The following ZSWIM4 variants were observed in gnomAD, a reference collection of about 807,000 sequenced individuals.
The protein encoded by ZSWIM4 is zinc finger SWIM domain-containing protein 4.
In ZSWIM4, 62 loss-of-function variants were observed where a neutral mutation model predicts 102.5. That is an observed-to-expected ratio of 0.60 (90% CI 0.49 to 0.75). ZSWIM4 has a LOEUF of 0.75. ZSWIM4 is among the 30% of genes least tolerant of loss of function. ZSWIM4 has a pLI of 0.00. For missense variants in ZSWIM4, 1,280 were observed against 1,529.6 expected, an observed-to-expected ratio of 0.84 and a Z score of 2.72; for synonymous variants, 652 against 674.5, an observed-to-expected ratio of 0.97 and a Z score of 0.52.
chr19:13,829,223 G>A (rs556261517), intron 13 of ZSWIM4, among the ~76,000 whole-genome samples: 1 of 152,184 alleles, frequency 6.6e-6, no homozygotes, highest in Non-Finnish European at 1.5e-5. Flanking sequence ...TGAGGTTGCA[G>A]TGAGCTGTGA....
chr19:13,822,380 T>A (rs1975491460), intron 10 of ZSWIM4, among the ~76,000 whole-genome samples: 1 of 152,212 alleles, frequency 6.6e-6, no homozygotes, highest in African/African-American at 2.4e-5. Flanking sequence ...GTTTTTACAT[T>A]TATAAACGGT....
chr19:13,795,902 A>C, intron 1 of ZSWIM4, 101 bp downstream of exon 1: 2 of 734,872 alleles, frequency 2.7e-6, no homozygotes, highest in Non-Finnish European at 3.6e-6. Flanking sequence ...AGCTAACCCA[A>C]TCAGAGACAC....
In ZSWIM4 at chr19:13,823,436, C is replaced by T; in HGVS notation, c.2151C>T (p.Phe717=). The T allele has an allele frequency of 6.3e-7, 1 of 1,596,464 alleles. No individual in the cohort carries two copies. The highest frequency in any genetic ancestry group is 1.3e-5 in the African/African-American group (1 of 74,558). The change falls in exon 11 of 14, where the codon TTC becomes TTT. Residue 717 remains phenylalanine (F), a synonymous_variant. Coordinates refer to ENST00000590508, the MANE Select transcript of ZSWIM4 (RefSeq NM_001367834.3). ...SIMSNRFPRW[F]ILGHLETRQC... is the part of the protein sequence containing the mutation. ...TGAGCAACCGCTTCCCCCGCTGGTT[C>T]ATCCTTGGCCACCTGGAGACCCGCC... is the stretch of plus-strand genomic sequence containing the variant.
intron 11 of ZSWIM4, among the ~76,000 whole-genome samples, chr19:13,824,100 G>T (rs1296963317): frequency 6.6e-6 from 1 of 151,196 alleles, no homozygotes; most frequent in Non-Finnish European, 1.5e-5. Context: ...ATAGTAGGGG[G>T]GGATAGAGAG....
intron 3 of ZSWIM4, among the ~76,000 whole-genome samples, chr19:13,808,455 G>A (rs1421105842): frequency 1.3e-5 from 2 of 151,984 alleles, no homozygotes; most frequent in Non-Finnish European, 2.9e-5. Flanking sequence ...GGATGGATGG[G>A]TCGGGCACAG....
rs965170164 is a variant in ZSWIM4 at position 13,804,982 on chromosome 19, G to C, written c.546G>C (p.Val182=). Residue 182 remains valine, a synonymous_variant, in exon 3 of 14, where the codon GTG becomes GTC. Transcript: ENST00000590508. ...ACCGCATTCGGCACGCCCACCAGGT[G>C]GAGCTGCGGCTGCCCATCTCCGAGA... ...SLYRIRHAHQ[V]ELRLPISETL... is the part of the protein sequence containing the mutation. 5 of 1,612,972 alleles carry C rather than the reference G, an allele frequency of 3.1e-6. No individual in the cohort carries two copies. The highest frequency in any genetic ancestry group is 4.2e-6 in the Non-Finnish European group (5 of 1,180,038).
intron 8 of ZSWIM4, 151 bp from the exon 9 acceptor site, chr19:13,817,571 C>A: frequency 1.8e-6 from 2 of 1,103,860 alleles, no homozygotes; most frequent in Non-Finnish European, 2.5e-6. Flanking sequence ...AGGTGGGGCT[C>A]CCGCGCTCCC....
At chr19:13,826,614 A>C (rs563247542) in intron 12 of ZSWIM4, among the ~76,000 whole-genome samples, 1 of 152,028 alleles carries the variant, frequency 6.6e-6, no homozygotes, top group Non-Finnish European at 1.5e-5. Flanking sequence ...AAAATACAAA[A>C]ATTAGCCAAG....
Position 13,828,668 on chromosome 19 carries a change from A to G in ZSWIM4, c.2403A>G (p.Val801=), listed in dbSNP as rs768434225. The change falls in exon 13 of 14, where the codon GTA becomes GTG. Residue 801 remains valine (V), a synonymous_variant. Transcript: ENST00000590508. ...GLQVMRMTLN[V]MTWRRREMVR... is the part of the protein sequence containing the mutation. ...AGGTGATGCGGATGACTCTGAACGT[A>G]ATGACCTGGCGGCGGAGGGAGATGG... 1 of 1,614,080 alleles carries G rather than the reference A, an allele frequency of 6.2e-7. No homozygotes were observed. The highest frequency in any genetic ancestry group is 1.3e-5 in the African/African-American group (1 of 75,016).
chr19:13,825,537 G>A lies in ZSWIM4; in HGVS notation c.2216-13G>A, dbSNP rs1016849396. On this transcript the variant is annotated splice_polypyrimidine_tract_variant and intron_variant, in intron 11 of 13. Coordinates refer to ENST00000590508, the MANE Select transcript of ZSWIM4 (RefSeq NM_001367834.3). This position sits in a 1 kb window ranked among gnomAD's most constrained non-coding sequence, Gnocchi z 4.6. ...TGTATCCGATGGTGTCCTCTGTCCC[G>A]CCCTTCACCCAGGAGACCCCAAGTG... 1.2e-5 allele frequency: 19 copies of A among 1,612,664 alleles called. No individual in the cohort carries two copies. Among genetic ancestry groups the A allele is most frequent in the Non-Finnish European group, 1.5e-5 (18 of 1,179,110 alleles).
At chr19:13,808,740 CAAAAAAAAA>C (rs755959483) in intron 3 of ZSWIM4, 87 bp from the exon 4 acceptor site, 7 of 834,968 alleles carry the variant, frequency 8.4e-6, no homozygotes, top group East Asian at 3.5e-5. Flanking sequence ...ACTCCGTCTC[CAAAAAAAAA>C]AAAAAAAAAA....
chr19:13,828,821 C>A (rs1200924109), intron 13 of ZSWIM4, 95 bp downstream of exon 13: 2 of 1,277,016 alleles, frequency 1.6e-6, no homozygotes, highest in East Asian at 2.4e-5. Flanking sequence ...AGAGAAGTGG[C>A]GGGGTGCGGT....
In ZSWIM4 at chr19:13,823,407, A is replaced by G. The variant is rs1319073708; in HGVS notation, c.2122A>G (p.Ile708Val). ...ACCTCATCCCAGCCCGCTGGACTCC[A>G]TCATGAGCAACCGCTTCCCCCGCTG... ...GEPHPSPLDSIMSNRFPRWFI... is the reference protein window; with the variant it reads ...GEPHPSPLDSVMSNRFPRWFI... Residue 708 changes from isoleucine to valine, a missense_variant, in exon 11 of 14, where the codon ATC becomes GTC. Ile to Val is a conservative substitution (Grantham distance 29). Coordinates refer to ENST00000590508, the MANE Select transcript of ZSWIM4 (RefSeq NM_001367834.3). The G allele has an allele frequency of 4.3e-6, 7 of 1,613,238 alleles. No homozygotes were observed. The South Asian group carries it at 5.5e-5, about 13-fold the overall frequency.
rs902014171 is a variant in ZSWIM4 at position 13,813,013 on chromosome 19, C to T, written c.1029C>T (p.Cys343=). Residue 343 remains cysteine (C), a synonymous_variant, in exon 6 of 14, where the codon TGC becomes TGT. Transcript: ENST00000590508. ...LWDELGALWV[C]VVLSPHCKPE... ...CCTCCTCAGGGGCCCTGTGGGTTTG[C>T]GTCGTCCTGAGCCCCCACTGCAAAC... The T allele has an allele frequency of 2.4e-5, 39 of 1,611,412 alleles. No homozygotes were observed. Among genetic ancestry groups the T allele is most frequent in the Admixed American group, 1.0e-4 (6 of 59,784 alleles).
chr19:13,807,142 G>C (rs1310090731), intron 3 of ZSWIM4, among the ~76,000 whole-genome samples: 2 of 152,030 alleles, frequency 1.3e-5, no homozygotes, highest in African/African-American at 4.8e-5. Context: ...GGGCGGGTGG[G>C]TATTTTGAGT....
At chr19:13,826,872 C>G (rs1314789482) in intron 12 of ZSWIM4, among the ~76,000 whole-genome samples, 1 of 152,024 alleles carries the variant, frequency 6.6e-6, no homozygotes, top group East Asian at 1.9e-4. Context: ...TTGGGTGCAG[C>G]TTGCTGGAAA....
chr19:13,819,878 C>T (rs1229316577), intron 10 of ZSWIM4, among the ~76,000 whole-genome samples: 1 of 147,960 alleles, frequency 6.8e-6, no homozygotes, highest in Non-Finnish European at 1.5e-5. Flanking sequence ...GAGTCTTGCT[C>T]TGTCACCCAG....
intron 10 of ZSWIM4, among the ~76,000 whole-genome samples, chr19:13,821,408 T>C (rs1314019759): frequency 6.6e-6 from 1 of 151,890 alleles, no homozygotes; most frequent in Non-Finnish European, 1.5e-5. Flanking sequence ...CTGGTACACA[T>C]CTATGGTCCT....
At chr19:13,804,768 G>T in intron 2 of ZSWIM4, 24 bp from the exon 3 acceptor site, 1 of 1,547,154 alleles carries the variant, frequency 6.5e-7, no homozygotes, top group Non-Finnish European at 8.7e-7. Context: ...TGACACGGAT[G>T]CGACAGTTTG....
Sources: allele counts gnomAD v4.1 joint callset (sites outside exome capture counted in the v4.1 genomes callset), GRCh38; gene constraint gnomAD v4.1.1; non-coding constraint Gnocchi (gnomAD v3.1); transcripts MANE v1.5; gene names NCBI Gene and HGNC (gene_info 2026-07-23, HGNC 2026-07-21).